Variants in NOX5 observed in about 807,000 individuals in gnomAD.
The protein encoded by NOX5 is NADPH oxidase, EF-hand calcium binding domain 5.
A neutral mutation model predicts 85.7 loss-of-function variants in NOX5; 76 were observed. The ratio of observed to expected loss-of-function variants is 0.89; its 90% confidence interval spans 0.74 to 1.07. The LOEUF is 1.07. Among genes scored for constraint, NOX5 ranks in the 50% least tolerant of loss-of-function variants. The pLI is 0.00. For synonymous variants in NOX5, 405 were observed against 401.4 expected (o/e 1.01, Z -0.11); for missense variants, 973 against 999.5 (o/e 0.97, Z 0.36).
At chr15:69,042,884 G>A (rs2050613928) in intron 10 of NOX5, 79 bp downstream of exon 10, 3 of 1,468,666 alleles carry the variant, frequency 2.0e-6, no homozygotes, top group Non-Finnish European at 2.8e-6. Flanking sequence ...TTCTCAGTGA[G>A]CATCAATTAT....
chr15:69,033,129 G>A lies in NOX5; in HGVS notation c.707G>A (p.Arg236His). ...QLTRAYWHNH[R>H]SQLFCLATYA... ...ACCCGCGCCTACTGGCACAACCACC[G>A]CAGCCAGCTGTTCTGCCTGGCCACC... Residue 236 changes from arginine (R) to histidine (H), a missense_variant, in exon 5 of 16, where the codon CGC becomes CAC. By Grantham distance (29) the Arg-to-His change is conservative. Coordinates refer to ENST00000388866, the MANE Select transcript of NOX5 (RefSeq NM_024505.4). 6.4e-7 allele frequency: 1 copy of A among 1,564,090 alleles called. No individual in the cohort carries two copies. Among genetic ancestry groups the A allele is most frequent in the Non-Finnish European group, 8.6e-7 (1 of 1,161,320 alleles).
intron 1 of NOX5, 76 bp from the exon 2 acceptor site, chr15:69,026,452 G>A (rs1302907702): frequency 1.3e-6 from 2 of 1,595,496 alleles, no homozygotes; most frequent in South Asian, 1.1e-5. Context: ...GCAAGGCAGA[G>A]GCCCTGGGAC....
chr15:69,037,412 G>T, intron 8 of NOX5: 2 of 580,892 alleles, frequency 3.4e-6, no homozygotes, highest in Non-Finnish European at 6.0e-6. Flanking sequence ...ATGAATGGCA[G>T]GGCAGGCAAT....
At chr15:69,047,685 C>T (rs1035611885) in intron 12 of NOX5, 145 bp from the exon 13 acceptor site, 2 of 1,333,342 alleles carry the variant, frequency 1.5e-6, no homozygotes, top group Admixed American at 2.1e-5. Context: ...CTCTGCCCCC[C>T]TCTCCTTTTT....
intron 9 of NOX5, among the ~76,000 whole-genome samples, chr15:69,041,445 C>A (rs147910086): frequency 2.0e-4 from 31 of 152,340 alleles, no homozygotes; most frequent in Non-Finnish European, 2.9e-5. Context: ...TAACCTCTAA[C>A]TGAAATTTAG....
At chr15:69,047,003 A>T in intron 11 of NOX5, 137 bp downstream of exon 11, 1 of 846,946 alleles carries the variant, frequency 1.2e-6, no homozygotes, top group African/African-American at 1.7e-5. Flanking sequence ...ACATCCAGGT[A>T]TCCGGGTCAT....
At chr15:69,032,870 G>A (rs1188752833) in intron 4 of NOX5, among the ~76,000 whole-genome samples, 173 bp from the exon 5 acceptor site, 4 of 152,182 alleles carry the variant, frequency 2.6e-5, no homozygotes, top group African/African-American at 7.2e-5. Context: ...TTTCAGCTCC[G>A]CGGAGCTGTG....
At position 69,014,695 on chromosome 15, in the gene NOX5, A is replaced by C; in HGVS notation, c.-41A>C. On this transcript the variant is annotated 5_prime_UTR_variant, in exon 1 of 16. Transcript: ENST00000388866. ...ACACAGTGCAGGCAGCTCAATGGAC[A>C]GCAGTCTTTCTGGGACCTGTGATCT... The C allele has an allele frequency of 6.5e-7, 1 of 1,550,000 alleles. No homozygotes were observed. The highest frequency in any genetic ancestry group is 8.7e-7 in the Non-Finnish European group (1 of 1,146,440).
In NOX5 at chr15:69,028,272, A is replaced by G; in HGVS notation, c.232A>G (p.Thr78Ala). The change falls in exon 3 of 16, where the codon ACC (threonine) becomes GCC (alanine). Residue 78 changes from threonine (T) to alanine (A), a missense_variant. Coordinates refer to ENST00000388866, the MANE Select transcript of NOX5 (RefSeq NM_024505.4). Reference sequence around the variant, plus strand: ...TGACTCCGATAGAAGTGGCACCATCACCCTCCAGGAGCTGCAGGAGGCACT... The same window carrying G: ...TGACTCCGATAGAAGTGGCACCATCGCCCTCCAGGAGCTGCAGGAGGCACT... ...LFDSDRSGTI[T>A]LQELQEALTL... 6.2e-7 allele frequency: 1 copy of G among 1,613,062 alleles called. No individual in the cohort carries two copies. The highest frequency in any genetic ancestry group is 8.5e-7 in the Non-Finnish European group (1 of 1,179,582).
intron 9 of NOX5, among the ~76,000 whole-genome samples, chr15:69,041,806 T>C (rs776026432): frequency 5.9e-5 from 9 of 152,242 alleles, no homozygotes; most frequent in Non-Finnish European, 1.2e-4. Flanking sequence ...AGGACGGCTT[T>C]GAATGTGGCC....
chr15:69,055,191 T>G (rs1424968563), intron 14 of NOX5, 143 bp from the exon 15 acceptor site: 4 of 800,250 alleles, frequency 5.0e-6, no homozygotes. Context: ...TTCCTCTCCA[T>G]GGCACTGGTT....
At chr15:69,046,998 C>A in intron 11 of NOX5, 132 bp downstream of exon 11, 1 of 902,932 alleles carries the variant, frequency 1.1e-6, no homozygotes, top group South Asian at 1.6e-5. Context: ...GGCTGACATC[C>A]AGGTATCCGG....
chr15:69,039,601 A>T (rs1314176065), intron 9 of NOX5, among the ~76,000 whole-genome samples: 3 of 152,098 alleles, frequency 2.0e-5, no homozygotes, highest in Non-Finnish European at 4.4e-5. Context: ...AGGAGAGGAT[A>T]TAGGCATTTT....
intron 5 of NOX5, among the ~76,000 whole-genome samples, chr15:69,033,692 CTTTTTTTTCTTTTTTT>C (rs2050472958): frequency 7.3e-6 from 1 of 136,358 alleles, no homozygotes; most frequent in Non-Finnish European, 1.5e-5. Context: ...TTTTTTCTTT[CTTTTTTTTCTTTTTTT>C]TTTTTTTTTG....
In NOX5 at chr15:69,039,759, T is replaced by C. The variant is rs906851769; in HGVS notation, c.1504+770T>C. Among the ~76,000 whole-genome samples, 4 of 152,200 alleles carry C rather than the reference T, an allele frequency of 2.6e-5. No homozygotes were observed. The South Asian group carries it at 8.3e-4, about 32-fold the overall frequency. ...TGGGTTCCCAGCACACACAGAACAG[T>C]TCAGCTGATGCTTTGCTCAGCTGTC... On this transcript the variant is annotated intron_variant, in intron 9 of 15. Transcript: ENST00000388866.
intron 14 of NOX5, among the ~76,000 whole-genome samples, chr15:69,052,640 GAATCA>G (rs560511700): frequency 2.6e-5 from 4 of 152,222 alleles, no homozygotes; most frequent in African/African-American, 9.6e-5. Flanking sequence ...TACATTCAAG[GAATCA>G]AACACAATTT....
intron 1 of NOX5, among the ~76,000 whole-genome samples, chr15:69,025,202 T>C (rs1454945897): frequency 6.6e-6 from 1 of 152,196 alleles, no homozygotes; most frequent in Admixed American, 6.5e-5. Context: ...CTTTAAAATA[T>C]GTATTGTTGA....
chr15:69,038,836 G>C (rs1224434934), intron 8 of NOX5, 21 bp from the exon 9 acceptor site: 1 of 1,614,134 alleles, frequency 6.2e-7, no homozygotes, highest in South Asian at 1.1e-5. Flanking sequence ...GAATGATGCA[G>C]ATCTCCTTCC....
At chr15:69,056,365 A>C (rs1196891010) in intron 15 of NOX5, among the ~76,000 whole-genome samples, 200 bp from the exon 16 acceptor site, 2 of 152,162 alleles carry the variant, frequency 1.3e-5, no homozygotes, top group Non-Finnish European at 2.9e-5. Context: ...TGCCAGCTGA[A>C]CAAATGGCTC....
Sources: gnomAD v4.1 joint callset for allele counts (sites outside exome capture counted in the v4.1 genomes callset) on GRCh38, gnomAD v4.1.1 for gene constraint, MANE v1.5 for transcripts, NCBI Gene and HGNC (gene_info 2026-07-23, HGNC 2026-07-21) for gene names.